Variants in PKD1L3 observed in about 807,000 individuals in gnomAD.
PKD1L3 encodes polycystin 1 like 3, transient receptor potential channel interacting.
PKD1L3 carries 239 observed loss-of-function variants against 184.1 expected under a neutral mutation model. The observed-to-expected ratio is 1.30, with a 90% CI of 1.17 to 1.45. PKD1L3 has a LOEUF of 1.45. PKD1L3 is among the 40% of genes most tolerant of loss of function. PKD1L3 has a pLI of 0.00. For synonymous variants in PKD1L3, 996 were observed against 778.8 expected (o/e 1.28, Z -4.64); for missense variants, 2,660 against 2,067.2 (o/e 1.29, Z -5.56).
chr16:71,932,826 C>G (rs1385589052), intron 28 of PKD1L3, among the ~76,000 whole-genome samples: 1 of 125,328 alleles, frequency 8.0e-6, no homozygotes, highest in African/African-American at 3.1e-5. Flanking sequence ...GACATAGGGT[C>G]TGGAGTGTAG....
rs142621680 is a variant in PKD1L3, at chr16:71,973,483, A to G, written c.1794T>C (p.His598=). Residue 598 remains histidine (H), a synonymous_variant, in exon 12 of 30, where the codon CAT becomes CAC. Transcript: ENST00000620267. ...AGTAGGTGCCAATCCCGTGCTGCAG[A>G]TGCTCTGGATTCAGCACCCACGTGT... ...EEYTWVLNPE[H]LQHGIGTYYI... 1,340 of 1,551,872 alleles carry G rather than the reference A, an allele frequency of 8.6e-4. 12 individuals are homozygous for G. The African/African-American group carries it at 0.015, about 17-fold the overall frequency.
rs575359196 is a variant in PKD1L3, at chr16:71,946,749, T to C, written c.3718+743A>G. On this transcript the variant is annotated intron_variant, in intron 22 of 29. Transcript: ENST00000620267. ...GCAAACAATTCAGTTTAATTTGACA[T>C]ACTTGGAGGCATCTAGCTCCAGATA... 4.4e-5 allele frequency among the ~76,000 whole-genome samples: 3 copies of C among 68,380 alleles called. No homozygotes were observed. The South Asian group carries it at 1.5e-3, about 34-fold the overall frequency. 44.9% of individuals were successfully genotyped at this position (68,380 alleles called of 152,430 possible). A position where few individuals can be genotyped will look rare whatever the true frequency, so the allele number is the denominator to read the frequency against.
intron 4 of PKD1L3, 101 bp from the exon 5 acceptor site, chr16:71,986,570 GA>G: frequency 2.3e-6 from 3 of 1,295,300 alleles, no homozygotes; most frequent in Non-Finnish European, 3.1e-6. Flanking sequence ...TGTCCTATGA[GA>G]TACTAATAGG....
chr16:71,982,281 T>A, intron 6 of PKD1L3, 46 bp from the exon 7 acceptor site: 1 of 757,678 alleles, frequency 1.3e-6, no homozygotes, highest in Non-Finnish European at 1.7e-6. Flanking sequence ...TTGTTTGCTT[T>A]TTTTTTTTTT....
chr16:71,953,802 C>T (rs1024544856), intron 17 of PKD1L3, among the ~76,000 whole-genome samples: 2 of 152,238 alleles, frequency 1.3e-5, no homozygotes, highest in African/African-American at 4.8e-5. Flanking sequence ...CCCGCCCCAA[C>T]ACAGGGGGAT....
intron 15 of PKD1L3, among the ~76,000 whole-genome samples, chr16:71,966,519 G>A (rs967982972): frequency 2.7e-5 from 4 of 149,938 alleles, no homozygotes; most frequent in South Asian, 2.1e-4. Flanking sequence ...TTCAACCTCC[G>A]AGGCTCAAGT....
At chr16:71,946,525 G>A (rs907149688) in intron 22 of PKD1L3, among the ~76,000 whole-genome samples, 1 of 151,920 alleles carries the variant, frequency 6.6e-6, no homozygotes, top group African/African-American at 2.4e-5. Context: ...GGTTCATCCA[G>A]GTGATAAGTT....
At chr16:71,938,032 C>A (rs1347750481) in intron 24 of PKD1L3, among the ~76,000 whole-genome samples, 1 of 152,174 alleles carries the variant, frequency 6.6e-6, no homozygotes, top group African/African-American at 2.4e-5. Flanking sequence ...CAGGTGGGAG[C>A]CCTGCCCCCT....
chr16:71,960,260 C>G (rs1477378293), intron 16 of PKD1L3, among the ~76,000 whole-genome samples: 1 of 150,574 alleles, frequency 6.6e-6, no homozygotes, highest in Non-Finnish European at 1.5e-5. Flanking sequence ...ACAAATAATG[C>G]AAAATAATAT....
chr16:71,956,971 GACA>G (rs916777825), intron 16 of PKD1L3, among the ~76,000 whole-genome samples: 1 of 152,154 alleles, frequency 6.6e-6, no homozygotes, highest in African/African-American at 2.4e-5. Context: ...TAATTTGTAT[GACA>G]ACAATAGCAC....
In PKD1L3 at chr16:71,973,375, C is replaced by T. The variant is rs1382694694; in HGVS notation, c.1902G>A (p.Gln634=). 4 of 1,551,728 alleles carry T rather than the reference C, an allele frequency of 2.6e-6. No homozygotes were observed. Among genetic ancestry groups the T allele is most frequent in the Middle Eastern group, 1.7e-4 (1 of 5,986 alleles). Residue 634 remains glutamine, a synonymous_variant, in exon 12 of 30, where the codon CAG becomes CAA. Transcript: ENST00000620267. ...GGTTGTGGATCTCCCAGTAGTAACA[C>T]TGAGTGACGGCGGTGATGACCGAGA... ...SLVSVITAVT[Q]CYYWEIHNQT... is the part of the protein sequence containing the mutation.
intron 25 of PKD1L3, 40 bp from the exon 26 acceptor site, chr16:71,935,558 G>C: frequency 6.5e-7 from 1 of 1,537,626 alleles, no homozygotes; most frequent in Non-Finnish European, 8.8e-7. Flanking sequence ...TTGTCTGAGA[G>C]ATTAGCTAGG....
At chr16:71,930,378 A>T in intron 28 of PKD1L3, 195 bp from the exon 29 acceptor site, 1 of 453,058 alleles carries the variant, frequency 2.2e-6, no homozygotes, top group South Asian at 8.9e-5. Context: ...CATTTTAAGG[A>T]GGTTAAGATA....
Position 71,990,291 on chromosome 16 carries a change from G to A in PKD1L3, c.574C>T (p.Pro192Ser). 1.9e-6 allele frequency: 3 copies of A among 1,547,976 alleles called. No individual in the cohort carries two copies. The highest frequency in any genetic ancestry group is 1.7e-4 in the Middle Eastern group (1 of 5,980). The change falls in exon 4 of 30, where the codon CCT becomes TCT. Residue 192 changes from proline to serine, a missense_variant. Pro to Ser is a moderately conservative substitution (Grantham distance 74). Transcript: ENST00000620267. ...AGGGAAGCACTTACAAGATGAGCAG[G>A]AAGAGGATAGTGACATGTGGTTGGA... The part of the protein sequence containing the change: ...HLPTTCHYPL[P>S]AHLSKTLCHP...
chr16:71,999,132 G>A (rs112782564), intron 1 of PKD1L3, among the ~76,000 whole-genome samples: 26,638 of 151,862 alleles, frequency 0.18, 2,491 homozygotes, highest in Non-Finnish European at 0.19. Flanking sequence ...TTAGTCGGGC[G>A]TGGTGGCGGC....
At chr16:71,935,937 G>A (rs1390545517) in intron 25 of PKD1L3, among the ~76,000 whole-genome samples, 2 of 151,840 alleles carry the variant, frequency 1.3e-5, no homozygotes, top group African/African-American at 2.4e-5. Context: ...CAGGGACCAC[G>A]AGCACATGCC....
chr16:71,968,028 T>C (rs2039566841), intron 13 of PKD1L3, 21 bp from the exon 14 acceptor site: 4 of 1,534,048 alleles, frequency 2.6e-6, no homozygotes, highest in South Asian at 1.2e-5. Flanking sequence ...AGCAGAACCA[T>C]GCAACTTACT....
Position 71,973,513 on chromosome 16 carries a change from C to T in PKD1L3, c.1764G>A (p.Glu588=). 2 of 1,551,268 alleles carry T rather than the reference C, an allele frequency of 1.3e-6. No homozygotes were observed. Among genetic ancestry groups the T allele is most frequent in the South Asian group, 1.2e-5 (1 of 84,038 alleles). The change falls in exon 12 of 30, where the codon GAG becomes GAA. Residue 588 remains glutamate (E), a synonymous_variant. Coordinates refer to ENST00000620267, the MANE Select transcript of PKD1L3 (RefSeq NM_181536.2). ...CTGGATTCAGCACCCACGTGTACTCCTCATCTTAGAACAAAGAAGAGTGCT... is the reference window on the plus strand; with the variant it reads ...CTGGATTCAGCACCCACGTGTACTCTTCATCTTAGAACAAAGAAGAGTGCT... ...LPKDKVWQKD[E]EYTWVLNPEH... is the part of the protein sequence containing the mutation.
intron 2 of PKD1L3, among the ~76,000 whole-genome samples, chr16:71,997,544 T>C (rs967895582): frequency 2.0e-5 from 3 of 151,440 alleles, no homozygotes; most frequent in African/African-American, 7.3e-5. Context: ...AGGTTGGGAG[T>C]TCGAGACTGG....
Sources: allele counts gnomAD v4.1 joint callset (sites outside exome capture counted in the v4.1 genomes callset), GRCh38; gene constraint gnomAD v4.1.1; transcripts MANE v1.5; gene names NCBI Gene and HGNC (gene_info 2026-07-23, HGNC 2026-07-21).